The following DNAI1 variants were observed in gnomAD, a reference collection of about 807,000 sequenced individuals.
DNAI1 encodes the protein dynein axonemal intermediate chain 1, also known as dynein, axonemal, intermediate polypeptide 1.
Under a neutral mutation model 92.0 loss-of-function variants are expected in DNAI1, and 67 were observed. The ratio of observed to expected loss-of-function variants is 0.73; its 90% CI spans 0.60 to 0.89. The LOEUF (loss-of-function observed/expected upper bound fraction) is 0.89. Among genes scored for constraint, DNAI1 ranks in the 40% least tolerant of loss-of-function variants. The pLI, the probability that DNAI1 is intolerant of heterozygous loss-of-function variation, is 0.00. For synonymous variants in DNAI1, 323 were observed against 319.6 expected (o/e 1.01, Z -0.11); for missense variants, 839 against 866.6 (o/e 0.97, Z 0.40).
intron 9 of DNAI1, 148 bp downstream of exon 9, chr9:34,493,476 G>A (rs185899985): frequency 2.0e-5 from 23 of 1,166,960 alleles, no homozygotes; most frequent in African/African-American, 1.1e-4. Flanking sequence ...TTTCCTTAGG[G>A]GAAGATGTGA....
chr9:34,493,901 G>A (rs951363052), intron 9 of DNAI1, among the ~76,000 whole-genome samples: 1 of 152,130 alleles, frequency 6.6e-6, no homozygotes, highest in Non-Finnish European at 1.5e-5. Context: ...TGGTTGAGGG[G>A]GGCTCACTGT....
In DNAI1 at chr9:34,515,890, T is replaced by C. The variant is rs567920658; in HGVS notation, c.1818+1151T>C. Among the ~76,000 whole-genome samples, 9 of 152,316 alleles carry C rather than the reference T, an allele frequency of 5.9e-5. No individual in the cohort carries two copies. In the South Asian group the frequency reaches 1.9e-3, roughly 32 times the overall value. On this transcript the variant is annotated intron_variant, in intron 18 of 19. Transcript: ENST00000242317. ...GAATATACTAACACCAAGAATTTGA[T>C]GCTTTAAATGAGTGAATTTTATAGT...
chr9:34,459,225 C>T (rs902362044), intron 1 of DNAI1, among the ~76,000 whole-genome samples, 172 bp downstream of exon 1: 2 of 152,056 alleles, frequency 1.3e-5, no homozygotes, highest in Non-Finnish European at 2.9e-5. Context: ...CCTACTCTTT[C>T]CCACTAATCC....
At chr9:34,473,562 G>A in intron 1 of DNAI1, among the ~76,000 whole-genome samples, 1 of 152,302 alleles carries the variant, frequency 6.6e-6, no homozygotes, top group South Asian at 2.1e-4. Flanking sequence ...AAAGTGCCGG[G>A]ATTACAGGTG....
intron 15 of DNAI1, 39 bp downstream of exon 15, chr9:34,512,463 G>A (rs1825085814): frequency 6.3e-7 from 1 of 1,588,594 alleles, no homozygotes; most frequent in Non-Finnish European, 8.6e-7. Flanking sequence ...GCCTGGCCAG[G>A]TCATTCAGGC....
At position 34,490,078 on chromosome 9, in the gene DNAI1, A is replaced by C; in HGVS notation, c.455A>C (p.Glu152Ala). 6.2e-7 allele frequency: 1 copy of C among 1,614,212 alleles called. No homozygotes were observed. The highest frequency in any genetic ancestry group is 8.5e-7 in the Non-Finnish European group (1 of 1,180,040). ...CTCGAAGAAGACGAAGAGCCCAAGGAGTTAGAAACTGAGCCTGGGAGTCAA... is the reference window on the plus strand; with the variant it reads ...CTCGAAGAAGACGAAGAGCCCAAGGCGTTAGAAACTGAGCCTGGGAGTCAA... ...GNLEEDEEPK[E>A]LETEPGSQTD... The change falls in exon 6 of 20, where the codon GAG becomes GCG. Residue 152 changes from glutamate to alanine, a missense_variant. Glu to Ala is a moderately radical substitution (Grantham distance 107, BLOSUM62 -1). Coordinates refer to ENST00000242317, the MANE Select transcript of DNAI1 (RefSeq NM_012144.4).
chr9:34,489,512 T>C, intron 5 of DNAI1, 63 bp downstream of exon 5: 1 of 1,589,242 alleles, frequency 6.3e-7, no homozygotes, highest in Non-Finnish European at 8.6e-7. Flanking sequence ...CTGGTCACTC[T>C]AGGGAGTATA....
chr9:34,485,510 G>C lies in DNAI1; in HGVS notation c.254G>C (p.Ser85Thr), dbSNP rs1242377984. 1.5e-5 allele frequency: 25 copies of C among 1,613,976 alleles called. No homozygotes were observed. Among genetic ancestry groups the C allele is most frequent in the Non-Finnish European group, 2.0e-5 (24 of 1,180,004 alleles). Reference sequence around the variant, plus strand: ...GCACCCCAGAACATTGTCAGGTACAGCTTCAAAGTAAGTCATCCCCTCCTG... The same window carrying C: ...GCACCCCAGAACATTGTCAGGTACACCTTCAAAGTAAGTCATCCCCTCCTG... Reference protein sequence around the residue: ...PHAPQNIVRYSFKEGTYKPIG... With the variant: ...PHAPQNIVRYTFKEGTYKPIG... Residue 85 changes from serine (S) to threonine (T), a missense_variant, in exon 4 of 20, where the codon AGC becomes ACC. Transcript: ENST00000242317.
At chr9:34,491,600 G>A (rs759835252) in intron 8 of DNAI1, 46 bp downstream of exon 8, 1 of 1,606,118 alleles carries the variant, frequency 6.2e-7, no homozygotes, top group Non-Finnish European at 8.5e-7. Context: ...CCACCTCTAT[G>A]TATCCTTTCC....
Position 34,492,507 on chromosome 9 carries a change from T to G in DNAI1, c.682-687T>G, listed in dbSNP as rs941788048. On this transcript the variant is annotated intron_variant, in intron 8 of 19. Transcript: ENST00000242317. ...GGGGATATGAAGATATATATATATA[T>G]ATATATATATATATATATATATATA... Among the ~76,000 whole-genome samples, 411 of 59,524 alleles carry G rather than the reference T, an allele frequency of 6.9e-3. 17 individuals are homozygous for G. The highest frequency in any genetic ancestry group is 0.019 in the African/African-American group (314 of 16,316). The allele number at this position is 59,524 out of a possible 152,430, so 39.1% of individuals were successfully genotyped here.
chr9:34,514,462 G>A lies in DNAI1; in HGVS notation c.1638G>A (p.Val546=), dbSNP rs1825132822. 4 of 1,614,084 alleles carry A rather than the reference G, an allele frequency of 2.5e-6. No homozygotes were observed. The highest frequency in any genetic ancestry group is 3.4e-6 in the Non-Finnish European group (4 of 1,180,050). The part of the protein sequence containing the change: ...YDAHNMSVDT[V]SWNPYHTKVF... Reference sequence around the variant, plus strand: ...CCCACAACATGTCAGTGGACACTGTGTCCTGGAACCCATACCACACCAAGG... The same window carrying A: ...CCCACAACATGTCAGTGGACACTGTATCCTGGAACCCATACCACACCAAGG... Residue 546 remains valine (V), a synonymous_variant, in exon 17 of 20, where the codon GTG becomes GTA. Coordinates refer to ENST00000242317, the MANE Select transcript of DNAI1 (RefSeq NM_012144.4).
At chr9:34,517,501 C>T (rs552486410) in intron 19 of DNAI1, 34 bp downstream of exon 19, 31 of 1,613,602 alleles carry the variant, frequency 1.9e-5, no homozygotes, top group South Asian at 1.4e-4. Context: ...TGCTGCAAGA[C>T]GTAAAGTCTC....
chr9:34,472,714 C>T (rs889976736), intron 1 of DNAI1, among the ~76,000 whole-genome samples: 1 of 152,022 alleles, frequency 6.6e-6, no homozygotes, highest in Non-Finnish European at 1.5e-5. Flanking sequence ...CCAGCCTGGG[C>T]AACATAGTGA....
At chr9:34,486,727 C>T (rs926554649) in intron 4 of DNAI1, among the ~76,000 whole-genome samples, 2 of 152,138 alleles carry the variant, frequency 1.3e-5, no homozygotes, top group African/African-American at 4.8e-5. Context: ...AATTTTAGAA[C>T]ATTTTCACTT....
intron 1 of DNAI1, chr9:34,478,811 G>C (rs912521592): frequency 3.9e-5 from 6 of 152,242 alleles, no homozygotes; most frequent in Admixed American, 6.5e-5. Flanking sequence ...AGAACGCCAA[G>C]CTGCCTCCTA....
At chr9:34,501,504 G>C (rs913185809) in intron 12 of DNAI1, among the ~76,000 whole-genome samples, 1 of 152,236 alleles carries the variant, frequency 6.6e-6, no homozygotes, top group African/African-American at 2.4e-5. Flanking sequence ...GGGGGGGCCA[G>C]GGTCAGCCCT....
At chr9:34,463,942 T>G (rs932768075) in intron 1 of DNAI1, among the ~76,000 whole-genome samples, 2 of 152,152 alleles carry the variant, frequency 1.3e-5, no homozygotes, top group East Asian at 1.9e-4. Flanking sequence ...GTGAACAGAA[T>G]GTAGGGGAAG....
intron 13 of DNAI1, among the ~76,000 whole-genome samples, chr9:34,508,238 T>C (rs1439880904): frequency 6.6e-6 from 1 of 152,194 alleles, no homozygotes; most frequent in Non-Finnish European, 1.5e-5. Flanking sequence ...TCCTGAGACA[T>C]GTGGACACCT....
At chr9:34,514,244 G>A (rs1329738343) in intron 16 of DNAI1, 150 bp from the exon 17 acceptor site, 4 of 1,028,196 alleles carry the variant, frequency 3.9e-6, no homozygotes, top group Admixed American at 1.8e-5. Flanking sequence ...GCTGAGGGTG[G>A]GAAGGGCAGC....
Sources: allele counts gnomAD v4.1 joint callset (sites outside exome capture counted in the v4.1 genomes callset), GRCh38; gene constraint gnomAD v4.1.1; transcripts MANE v1.5; gene names NCBI Gene and HGNC (gene_info 2026-07-23, HGNC 2026-07-21).